Variants in NAALADL2 observed in about 807,000 individuals in gnomAD.
The protein encoded by NAALADL2 is inactive N-acetylated-alpha-linked acidic dipeptidase-like protein 2.
Under a neutral mutation model 87.2 loss-of-function variants are expected in NAALADL2, and 76 were observed. The ratio of observed to expected loss-of-function variants is 0.87; its 90% CI spans 0.72 to 1.05. The LOEUF (loss-of-function observed/expected upper bound fraction) is 1.05, where lower values mean the gene tolerates loss of function less well. Ranked by LOEUF, NAALADL2 falls within the 50% of genes least tolerant of loss-of-function variation. NAALADL2 has a pLI of 0.00. For missense variants in NAALADL2, 1,089 were observed against 945.8 expected (o/e 1.15, Z -1.99); for synonymous variants, 354 against 331.0 (o/e 1.07, Z -0.75).
chr3:175,720,154 A>G (rs1742025757), intron 11 of NAALADL2, among the ~76,000 whole-genome samples: 1 of 152,186 alleles, frequency 6.6e-6, no homozygotes, highest in Non-Finnish European at 1.5e-5. Flanking sequence ...AATTATAAAT[A>G]ATGGTAGAAA....
intron 2 of NAALADL2, among the ~76,000 whole-genome samples, chr3:174,580,562 G>C (rs780847234): frequency 6.6e-6 from 1 of 151,968 alleles, no homozygotes; most frequent in Non-Finnish European, 1.5e-5. Flanking sequence ...CACTTCCTGT[G>C]CCACCTTTTG....
At chr3:175,573,622 C>T (rs1718412643) in intron 9 of NAALADL2, among the ~76,000 whole-genome samples, 1 of 152,308 alleles carries the variant, frequency 6.6e-6, no homozygotes, top group Admixed American at 6.5e-5. Context: ...GGATTTATAA[C>T]ATGATATAAA....
At chr3:174,680,483 T>C (rs1159472050) in intron 2 of NAALADL2, among the ~76,000 whole-genome samples, 2 of 152,208 alleles carry the variant, frequency 1.3e-5, no homozygotes, top group Admixed American at 1.3e-4. Flanking sequence ...TCTTTGTTTT[T>C]TCTTTACTTT....
intron 1 of NAALADL2, among the ~76,000 whole-genome samples, chr3:174,474,949 C>T (rs1717123392): frequency 6.6e-6 from 1 of 151,830 alleles, no homozygotes; most frequent in Non-Finnish European, 1.5e-5. Context: ...ATAGACATTG[C>T]CCTTAGGATA....
chr3:175,170,575 G>T (rs1385655435), intron 2 of NAALADL2, among the ~76,000 whole-genome samples: 3 of 149,676 alleles, frequency 2.0e-5, no homozygotes, highest in African/African-American at 4.9e-5. Flanking sequence ...CCACTTCAAT[G>T]GCATATCATC....
rs898875280 is a variant in NAALADL2, at chr3:175,465,209, G to A, written c.1327+1716G>A. ...GGAGCTTGCAGTGAGCAGAGATCACGCCACTGCACTCCAGCCTGGGCGACA... is the reference window on the plus strand; with the variant it reads ...GGAGCTTGCAGTGAGCAGAGATCACACCACTGCACTCCAGCCTGGGCGACA... On this transcript the variant is annotated intron_variant, in intron 7 of 13. Transcript: ENST00000454872. Among the ~76,000 whole-genome samples, 7 of 144,806 alleles carry A rather than the reference G, an allele frequency of 4.8e-5. No individual in the cohort carries two copies. The East Asian group carries it at 8.2e-4, about 17-fold the overall frequency. 95.0% of individuals were successfully genotyped at this position (144,806 alleles called of 152,430 possible).
intron 3 of NAALADL2, among the ~76,000 whole-genome samples, chr3:175,239,043 G>A (rs6795923): frequency 0.013 from 2,047 of 152,176 alleles, 48 homozygotes; most frequent in African/African-American, 0.047. Context: ...TCTGGTAACC[G>A]TCTAAACAGC....
intron 4 of NAALADL2, among the ~76,000 whole-genome samples, chr3:175,290,509 A>G (rs772558397): frequency 2.6e-5 from 4 of 152,164 alleles, no homozygotes; most frequent in Admixed American, 6.5e-5. Flanking sequence ...GAAATGTTCT[A>G]TACTTTGACT....
At chr3:175,056,874 G>A (rs1223171306) in intron 1 of NAALADL2, among the ~76,000 whole-genome samples, 3 of 152,294 alleles carry the variant, frequency 2.0e-5, no homozygotes, top group African/African-American at 4.8e-5. Context: ...TGGGCCAGGT[G>A]TTCCTTGCCC....
chr3:175,755,262 G>A lies in NAALADL2; in HGVS notation c.2033G>A (p.Arg678His), dbSNP rs781071943. The change falls in exon 13 of 14, where the codon CGC (arginine) becomes CAC (histidine). Residue 678 changes from arginine to histidine, a missense_variant. Physicochemically the swap from Arg to His is conservative, Grantham distance 29 (BLOSUM62 0). Coordinates refer to ENST00000454872, the MANE Select transcript of NAALADL2 (RefSeq NM_207015.3). ...NTHQLLAMAL[R>H]LRESAELFQS... ...CATCAACTGTTAGCCATGGCGTTAC[G>A]CCTGCGGGAGAGTGCTGAACTTTTT... is the stretch of plus-strand genomic sequence containing the variant. 2.4e-5 allele frequency: 38 copies of A among 1,613,384 alleles called. No homozygotes were observed. The highest frequency in any genetic ancestry group is 1.4e-4 in the South Asian group (13 of 90,994).
chr3:175,450,900 T>A (rs998384440), intron 6 of NAALADL2, among the ~76,000 whole-genome samples: 36 of 152,182 alleles, frequency 2.4e-4, no homozygotes, highest in African/African-American at 7.9e-4. Context: ...CAAGAAACCA[T>A]GTAGCTCTGG....
At chr3:175,158,632 G>A (rs1398553838) in intron 2 of NAALADL2, among the ~76,000 whole-genome samples, 2 of 152,054 alleles carry the variant, frequency 1.3e-5, no homozygotes, top group Non-Finnish European at 2.9e-5. Flanking sequence ...TTTTCAGAAA[G>A]CAAATCACAC....
In NAALADL2 at chr3:174,586,528, GC is replaced by G. The variant is rs534309821; in HGVS notation, c.-115+35892del. Among the ~76,000 whole-genome samples the G allele has an allele frequency of 2.1e-3, 319 of 152,292 alleles. 2 individuals carry two copies. Among genetic ancestry groups the G allele is most frequent in the African/African-American group, 7.3e-3 (304 of 41,556 alleles). ...AGAACTTACATACAGTGGTCCAGTG[GC>G]AGTTGGCTGGATAGCAGAACTGCTG... On this transcript the variant is annotated intron_variant, in intron 2 of 3. Coordinates refer to the NAALADL2 transcript ENST00000434257.
intron 1 of NAALADL2, among the ~76,000 whole-genome samples, chr3:174,888,227 T>C (rs1426372289): frequency 1.3e-5 from 2 of 152,200 alleles, no homozygotes; most frequent in African/African-American, 4.8e-5. Context: ...AGCTGTGCAA[T>C]GATGTCGTGG....
rs536807684 is a variant in NAALADL2 at position 175,119,078 on chromosome 3, G to A, written c.545+21787G>A. Among the ~76,000 whole-genome samples, 14 of 150,210 alleles carry A rather than the reference G, an allele frequency of 9.3e-5. No individual in the cohort carries two copies. The East Asian group carries it at 2.5e-3, about 27-fold the overall frequency. ...TTATACGTTTTTTTTTTTCCCAGTG[G>A]TCATTATTGACCATATGCTTACAGT... On this transcript the variant is annotated intron_variant, in intron 2 of 13. Transcript: ENST00000454872.
intron 5 of NAALADL2, among the ~76,000 whole-genome samples, chr3:175,353,853 C>T (rs1423421964): frequency 1.3e-5 from 2 of 152,096 alleles, no homozygotes; most frequent in African/African-American, 4.8e-5. Context: ...CAAATGAAAA[C>T]TAAAACTACC....
At chr3:174,801,220 T>G (rs1718793005) in intron 3 of NAALADL2, among the ~76,000 whole-genome samples, 1 of 152,206 alleles carries the variant, frequency 6.6e-6, no homozygotes, top group Non-Finnish European at 1.5e-5. Flanking sequence ...TCTTCTGTAA[T>G]TCCCATGTGT....
At chr3:174,884,337 G>GA (rs1418998498) in intron 1 of NAALADL2, among the ~76,000 whole-genome samples, 1 of 152,140 alleles carries the variant, frequency 6.6e-6, no homozygotes, top group Non-Finnish European at 1.5e-5. Context: ...TCCCAGCCCT[G>GA]AAAAGTATTG....
At chr3:174,985,604 T>C (rs1745745175) in intron 1 of NAALADL2, among the ~76,000 whole-genome samples, 2 of 152,130 alleles carry the variant, frequency 1.3e-5, no homozygotes, top group Non-Finnish European at 2.9e-5. Flanking sequence ...CAGAAGGCCA[T>C]CAAAAGTGGT....
Sources: allele counts gnomAD v4.1 joint callset (sites outside exome capture counted in the v4.1 genomes callset), GRCh38; gene constraint gnomAD v4.1.1; transcripts MANE v1.5; gene names NCBI Gene and HGNC (gene_info 2026-07-23, HGNC 2026-07-21).